ANKLE2: variants seen among roughly 807,000 people sequenced by gnomAD.
ANKLE2 encodes ankyrin repeat and LEM domain-containing protein 2.
ANKLE2 carries 55 observed loss-of-function variants against 84.2 expected under a neutral mutation model. The observed-to-expected ratio is 0.65, with a 90% CI of 0.53 to 0.82. The LOEUF (loss-of-function observed/expected upper bound fraction) is 0.82, where lower values mean the gene tolerates loss of function less well. ANKLE2 is among the 40% of genes least tolerant of loss of function. ANKLE2 has a pLI of 0.00. For missense variants in ANKLE2, 1,238 were observed against 1,201.9 expected, an observed-to-expected ratio of 1.03 and a Z score of -0.44; for synonymous variants, 551 against 486.1, an observed-to-expected ratio of 1.13 and a Z score of -1.76.
chr12:132,736,554 C>G (rs940150131), intron 8 of ANKLE2, among the ~76,000 whole-genome samples: 2 of 132,278 alleles, frequency 1.5e-5, no homozygotes, highest in African/African-American at 6.0e-5. Flanking sequence ...AACGGGCAGC[C>G]TCGCTACACC....
chr12:132,748,136 A>G lies in ANKLE2; in HGVS notation c.1041+2T>C. The G allele has an allele frequency of 6.2e-7, 1 of 1,612,652 alleles. No homozygotes were observed. Among genetic ancestry groups the G allele is most frequent in the Non-Finnish European group, 8.5e-7 (1 of 1,179,202 alleles). The stretch of plus-strand genomic sequence containing the variant: ...CTGCCCGAGGGAACCGCCGAGACCT[A>G]CCTGCACGATAGTGGGGTTGTCTCC... On this transcript the variant is annotated splice_donor_variant, in intron 4 of 12. Coordinates refer to ENST00000357997, the MANE Select transcript of ANKLE2 (RefSeq NM_015114.3). LOFTEE classifies it high-confidence loss of function.
intron 11 of ANKLE2, 30 bp downstream of exon 11, chr12:132,729,649 A>T (rs200591289): frequency 8.1e-7 from 1 of 1,232,150 alleles, no homozygotes; most frequent in Non-Finnish European, 1.1e-6. Flanking sequence ...TGGGGAAGGA[A>T]AGTGAGTGCA....
chr12:132,748,330 A>G lies in ANKLE2; in HGVS notation c.849T>C (p.Asp283=), dbSNP rs933569119. The G allele has an allele frequency of 6.2e-7, 1 of 1,613,954 alleles. No individual in the cohort carries two copies. Among genetic ancestry groups the G allele is most frequent in the Non-Finnish European group, 8.5e-7 (1 of 1,180,018 alleles). The change falls in exon 4 of 13, where the codon GAT becomes GAC. Residue 283 remains aspartate, a splice_region_variant and synonymous_variant. Transcript: ENST00000357997. ...APLFSNDRLK[D]GLCLSESETV... ...TTTCTGATTCCGACAAGCACAAACC[A>G]TCTGTCAGTAAGAGACAGAATTTAA...
At chr12:132,757,766 T>C (rs1404749092) in intron 1 of ANKLE2, 1 of 151,712 alleles carries the variant, frequency 6.6e-6, no homozygotes, top group Non-Finnish European at 1.5e-5. Context: ...GAACTTGCAG[T>C]GAGCAGAGAT....
intron 3 of ANKLE2, among the ~76,000 whole-genome samples, chr12:132,750,220 A>AAG (rs1555241568): frequency 6.6e-6 from 1 of 150,460 alleles, no homozygotes; most frequent in Non-Finnish European, 1.5e-5. Context: ...AAAAAAAAAA[A>AAG]AAAAGAAAAA....
At chr12:132,732,576 G>A (rs534955957) in intron 10 of ANKLE2, among the ~76,000 whole-genome samples, 16 of 131,630 alleles carry the variant, frequency 1.2e-4, no homozygotes, top group South Asian at 9.9e-4. Flanking sequence ...AGCACTGCGC[G>A]TCCTGGCGTC....
Position 132,730,259 on chromosome 12 carries a change from T to C in ANKLE2, c.1903A>G (p.Ile635Val). Reference protein sequence around the residue: ...DKATTSGSNSISVRAFLDEDD... With the variant: ...DKATTSGSNSVSVRAFLDEDD... ...TCATCTAGAAACGCCCTCACGGAAA[T>C]GGAATTGCTGCCTGTGAGGACAACA... The change falls in exon 11 of 13, where the codon ATT (isoleucine) becomes GTT (valine). Residue 635 changes from isoleucine to valine, a missense_variant. By Grantham distance (29) the Ile-to-Val change is conservative (BLOSUM62 3). Transcript: ENST00000357997. 1 of 1,558,208 alleles carries C rather than the reference T, an allele frequency of 6.4e-7. No homozygotes were observed. The highest frequency in any genetic ancestry group is 2.3e-5 in the East Asian group (1 of 44,324).
chr12:132,735,812 C>T lies in ANKLE2; in HGVS notation c.1594-300G>A, dbSNP rs533444237. Reference sequence around the variant, plus strand: ...CTCACCCTGAGGACAGTGGACGGCTCGGAGCTGCCACCCCGACGCACATGT... The same window carrying T: ...CTCACCCTGAGGACAGTGGACGGCTTGGAGCTGCCACCCCGACGCACATGT... On this transcript the variant is annotated intron_variant, in intron 8 of 12. Transcript: ENST00000357997. 5.3e-5 allele frequency among the ~76,000 whole-genome samples: 8 copies of T among 152,300 alleles called. No individual in the cohort carries two copies. In the East Asian group the frequency reaches 9.6e-4, roughly 18 times the overall value.
chr12:132,753,015 A>AT (rs2136172989), intron 2 of ANKLE2, among the ~76,000 whole-genome samples: 1 of 151,866 alleles, frequency 6.6e-6, no homozygotes, highest in Admixed American at 6.6e-5. Context: ...AAAAAATTTA[A>AT]TTACCTAGGT....
In ANKLE2 at chr12:132,748,218, C is replaced by T; in HGVS notation, c.961G>A (p.Glu321Lys). 4.3e-6 allele frequency: 7 copies of T among 1,614,154 alleles called. No individual in the cohort carries two copies. The highest frequency in any genetic ancestry group is 1.1e-5 in the South Asian group (1 of 91,078). ...ATAAGGTCAGAAAAGGTGTCCTCCT[C>T]TCCCTTCTCCACAGCTTTCCGAAGC... ...AKLRKAVEKG[E>K]EDTFSDLIWS... The change falls in exon 4 of 13, where the codon GAG becomes AAG. Residue 321 changes from glutamate (E) to lysine (K), a missense_variant. This residue lies in a region of ANKLE2 where 14 missense variants were observed against 33.0 expected (regional missense o/e 0.42). Transcript: ENST00000357997.
rs1174214727 is a variant in ANKLE2 at position 132,743,816 on chromosome 12, TA to T, written c.1231-541del. Among the ~76,000 whole-genome samples, 1 of 152,162 alleles carries T rather than the reference TA, an allele frequency of 6.6e-6. No homozygotes were observed. Among genetic ancestry groups the T allele is most frequent in the African/African-American group, 2.4e-5 (1 of 41,450 alleles). ...ACCCTGGAGGAGCTTAAATTCTCCA[TA>T]AACAGTGAACAGCAGCTTTAACCAT... On this transcript the variant is annotated intron_variant, in intron 5 of 12. Coordinates refer to ENST00000357997, the MANE Select transcript of ANKLE2 (RefSeq NM_015114.3). This position sits in a 1 kb window ranked among gnomAD's most constrained non-coding sequence, Gnocchi z 4.1.
At chr12:132,749,747 C>A (rs1030408527) in intron 3 of ANKLE2, among the ~76,000 whole-genome samples, 2 of 152,242 alleles carry the variant, frequency 1.3e-5, no homozygotes, top group Non-Finnish European at 2.9e-5. Flanking sequence ...TCACACAAAA[C>A]CCTAGTTCTG....
intron 5 of ANKLE2, among the ~76,000 whole-genome samples, chr12:132,746,648 C>T (rs566223452): frequency 4.6e-5 from 7 of 152,014 alleles, no homozygotes; most frequent in South Asian, 2.1e-4. Context: ...TTTCAAAAAT[C>T]GAAATTAGGC....
intron 7 of ANKLE2, 118 bp downstream of exon 7, chr12:132,741,301 A>C: frequency 1.0e-6 from 1 of 970,622 alleles, no homozygotes. Flanking sequence ...GAGGCTTCCG[A>C]GGGGAGCCGG....
intron 10 of ANKLE2, among the ~76,000 whole-genome samples, chr12:132,732,760 G>C (rs1281387540): frequency 2.0e-4 from 13 of 64,550 alleles, no homozygotes; most frequent in South Asian, 5.8e-4. Context: ...GTGAAGCACT[G>C]CGCGTCCTGG....
Position 132,754,724 on chromosome 12 carries a change from G to T in ANKLE2, c.591C>A (p.Pro197=). 1 of 1,614,044 alleles carries T rather than the reference G, an allele frequency of 6.2e-7. No individual in the cohort carries two copies. Among genetic ancestry groups the T allele is most frequent in the Non-Finnish European group, 8.5e-7 (1 of 1,180,006 alleles). ...RAGATASKEP[P]LYYGVCPVYE... is the part of the protein sequence containing the mutation. ...ACACTGGACACACCCCATAGTACAG[G>T]GGCGGCTCCTTAGACGCAGTCGCTC... Residue 197 remains proline (P), a synonymous_variant, in exon 2 of 13, where the codon CCC becomes CCA. Transcript: ENST00000357997.
chr12:132,733,712 G>A (rs1040176131), intron 10 of ANKLE2, among the ~76,000 whole-genome samples: 2 of 151,804 alleles, frequency 1.3e-5, no homozygotes, highest in Non-Finnish European at 2.9e-5. Flanking sequence ...AGCGCTCTGC[G>A]TCCTGGTGTC....
Position 132,730,026 on chromosome 12 carries a change from C to T in ANKLE2, c.2136G>A (p.Ala712=), listed in dbSNP as rs762852125. Residue 712 remains alanine, a synonymous_variant, in exon 11 of 13, where the codon GCG becomes GCA. Coordinates refer to ENST00000357997, the MANE Select transcript of ANKLE2 (RefSeq NM_015114.3). The part of the protein sequence containing the change: ...CHPLNHSRTL[A]GKRPKAPRGE... ...CACGGGGGGCCTTTGGTCTCTTGCC[C>T]GCCAGGGTCCTGCTGTGATTCAGAG... 5.6e-6 allele frequency: 9 copies of T among 1,613,092 alleles called. No individual in the cohort carries two copies. The highest frequency in any genetic ancestry group is 4.0e-5 in the African/African-American group (3 of 74,898).
intron 7 of ANKLE2, among the ~76,000 whole-genome samples, chr12:132,740,496 G>A (rs1280241289): frequency 2.6e-5 from 4 of 152,030 alleles, no homozygotes; most frequent in Non-Finnish European, 5.9e-5. Context: ...AGTCATTTGC[G>A]GACCCTGCTT....
Sources: gnomAD v4.1 joint callset for allele counts (sites outside exome capture counted in the v4.1 genomes callset) on GRCh38, gnomAD v4.1.1 for gene constraint, gnomAD v4.1.1 regional missense constraint, Gnocchi (gnomAD v3.1) non-coding constraint, MANE v1.5 for transcripts, NCBI Gene and HGNC (gene_info 2026-07-23, HGNC 2026-07-21) for gene names.